CTIF: variants seen among roughly 807,000 people sequenced by gnomAD.
CTIF encodes the protein cap binding complex dependent translation initiation factor.
In CTIF, 21 loss-of-function variants were observed where a neutral mutation model predicts 66.0. The ratio of observed to expected loss-of-function variants is 0.32; its 90% CI spans 0.23 to 0.46. The LOEUF (loss-of-function observed/expected upper bound fraction) is 0.46. CTIF is among the 20% of genes least tolerant of loss of function. The pLI, the probability that CTIF is intolerant of heterozygous loss-of-function variation, is 1.00. For missense variants in CTIF, 739 were observed against 812.7 expected (o/e 0.91, Z 1.10); for synonymous variants, 345 against 326.4 (o/e 1.06, Z -0.62).
At chr18:48,821,801 T>C (rs1316888) in intron 10 of CTIF, among the ~76,000 whole-genome samples, 54,254 of 152,206 alleles carry the variant, frequency 0.36, 10,726 homozygotes, top group South Asian at 0.53. Context: ...ATTTTTTAAA[T>C]ATTTTTGAAT....
intron 9 of CTIF, among the ~76,000 whole-genome samples, chr18:48,776,137 C>T (rs1910647215): frequency 2.0e-5 from 3 of 152,204 alleles, no homozygotes; most frequent in African/African-American, 4.8e-5. Context: ...TTTGCTGAGG[C>T]AGGTGGTGTG....
At chr18:48,745,619 G>T (rs1219123310) in intron 7 of CTIF, among the ~76,000 whole-genome samples, 1 of 152,170 alleles carries the variant, frequency 6.6e-6, no homozygotes, top group Non-Finnish European at 1.5e-5. Flanking sequence ...TTAACTCACT[G>T]CTCTAAGCCT....
At chr18:48,712,206 T>C (rs887195226) in intron 7 of CTIF, among the ~76,000 whole-genome samples, 6 of 152,154 alleles carry the variant, frequency 3.9e-5, no homozygotes, top group Non-Finnish European at 8.8e-5. Flanking sequence ...TGGCACATGC[T>C]ACTGCTCCCA....
At chr18:48,791,170 C>A (rs1186158789) in intron 9 of CTIF, among the ~76,000 whole-genome samples, 3 of 152,190 alleles carry the variant, frequency 2.0e-5, no homozygotes, top group Non-Finnish European at 2.9e-5. Context: ...ACAGATAGCT[C>A]CCAGGCCTCC....
intron 1 of CTIF, among the ~76,000 whole-genome samples, chr18:48,578,917 A>G (rs73441484): frequency 0.052 from 7,893 of 152,252 alleles, 250 homozygotes; most frequent in South Asian, 0.1. Context: ...ATTGTTGGCT[A>G]TTCCAAGGTC....
At chr18:48,701,241 C>T (rs1377721183) in intron 6 of CTIF, among the ~76,000 whole-genome samples, 1 of 152,104 alleles carries the variant, frequency 6.6e-6, no homozygotes, top group African/African-American at 2.4e-5. Context: ...ATTTCTTGGG[C>T]GTCTTTCTGC....
chr18:48,651,287 G>A (rs2091151213), intron 3 of CTIF, among the ~76,000 whole-genome samples: 2 of 152,168 alleles, frequency 1.3e-5, no homozygotes, highest in African/African-American at 2.4e-5. Flanking sequence ...TCAAAATAAA[G>A]GGATGGAGGA....
chr18:48,563,166 C>G (rs915416051), intron 1 of CTIF, among the ~76,000 whole-genome samples: 1 of 152,148 alleles, frequency 6.6e-6, no homozygotes, highest in African/African-American at 2.4e-5. Flanking sequence ...ATTGGCCCCT[C>G]CTCCACCCCC....
chr18:48,814,327 T>A (rs1426257359), intron 9 of CTIF, among the ~76,000 whole-genome samples: 1 of 152,136 alleles, frequency 6.6e-6, no homozygotes, highest in Non-Finnish European at 1.5e-5. Context: ...TGCCAAAAAT[T>A]ACCAGTGTCT....
intron 1 of CTIF, among the ~76,000 whole-genome samples, chr18:48,593,168 G>A (rs188294395): frequency 8.5e-5 from 13 of 152,294 alleles, no homozygotes; most frequent in African/African-American, 2.9e-4. Context: ...TCTGGTCAGT[G>A]TACAGTTGGC....
At chr18:48,704,297 C>T (rs1274373345) in intron 6 of CTIF, among the ~76,000 whole-genome samples, 1 of 150,258 alleles carries the variant, frequency 6.7e-6, no homozygotes, top group Non-Finnish European at 1.5e-5. Flanking sequence ...ACTAAGCCTT[C>T]TCTTCCTCTT....
chr18:48,776,604 TC>T (rs892958309), intron 9 of CTIF, among the ~76,000 whole-genome samples: 7 of 152,144 alleles, frequency 4.6e-5, no homozygotes, highest in African/African-American at 1.2e-4. Context: ...GGGCACTGGG[TC>T]GGGTGTGGTC....
At chr18:48,853,505 T>C (rs1248440749) in intron 10 of CTIF, among the ~76,000 whole-genome samples, 1 of 152,138 alleles carries the variant, frequency 6.6e-6, no homozygotes, top group Non-Finnish European at 1.5e-5. Flanking sequence ...CTCCCCTGGG[T>C]TGACCGTTGC....
chr18:48,547,633 T>G (rs538814569), intron 1 of CTIF, among the ~76,000 whole-genome samples: 3 of 152,360 alleles, frequency 2.0e-5, no homozygotes, highest in South Asian at 4.1e-4. Context: ...CTGGCCATTT[T>G]CACCCATGGC....
intron 3 of CTIF, among the ~76,000 whole-genome samples, chr18:48,649,476 T>C (rs181717342): frequency 2.0e-5 from 3 of 152,172 alleles, no homozygotes; most frequent in Non-Finnish European, 4.4e-5. Flanking sequence ...GAGCCAACCA[T>C]AGCTCAGCAA....
rs553896316 is a variant in CTIF at position 48,577,958 on chromosome 18, G to A, written c.-29+38646G>A. On this transcript the variant is annotated intron_variant, in intron 1 of 11. Transcript: ENST00000256413. ...CCCAGGACATTTCCTCACCTTTTAC[G>A]CCCATTACCATAACTCTCATTTTTC... Among the ~76,000 whole-genome samples, 4 of 152,212 alleles carry A rather than the reference G, an allele frequency of 2.6e-5. No homozygotes were observed. In the South Asian group the frequency reaches 6.2e-4, roughly 24 times the overall value.
chr18:48,550,051 G>T (rs1383339091), intron 1 of CTIF, among the ~76,000 whole-genome samples: 1 of 152,100 alleles, frequency 6.6e-6, no homozygotes, highest in Non-Finnish European at 1.5e-5. Context: ...ATCACTATAG[G>T]TTTGCCATTT....
chr18:48,675,148 T>G (rs1313969564), intron 6 of CTIF, among the ~76,000 whole-genome samples: 1 of 33,342 alleles, frequency 3.0e-5, no homozygotes, highest in Non-Finnish European at 1.1e-4. Context: ...GTTGAAGCCA[T>G]AGGGCAGGCA....
chr18:48,703,358 A>G (rs931955936), intron 6 of CTIF, among the ~76,000 whole-genome samples: 1 of 151,992 alleles, frequency 6.6e-6, no homozygotes, highest in African/African-American at 2.4e-5. Context: ...CGGTGTGGCC[A>G]CCTCCTGCCT....
Sources: allele counts gnomAD v4.1 joint callset (sites outside exome capture counted in the v4.1 genomes callset), GRCh38; gene constraint gnomAD v4.1.1; transcripts MANE v1.5; gene names NCBI Gene and HGNC (gene_info 2026-07-23, HGNC 2026-07-21).